The following EFHB variants were observed in gnomAD, a reference collection of about 807,000 sequenced individuals.
The protein encoded by EFHB is EF-hand domain family member B.
Under a neutral mutation model 87.2 loss-of-function variants are expected in EFHB, and 91 were observed. The observed-to-expected ratio is 1.04, with a 90% CI of 0.88 to 1.24. The LOEUF (loss-of-function observed/expected upper bound fraction) is 1.24. EFHB is among the 50% of genes most tolerant of loss of function. The pLI, the probability that EFHB is intolerant of heterozygous loss-of-function variation, is 0.00. For synonymous variants in EFHB, 325 were observed against 333.6 expected (o/e 0.97, Z 0.28); for missense variants, 1,084 against 998.8 (o/e 1.09, Z -1.15).
chr3:19,930,866 C>T (rs1387127008), intron 1 of EFHB, among the ~76,000 whole-genome samples: 1 of 152,200 alleles, frequency 6.6e-6, no homozygotes, highest in Admixed American at 6.5e-5. Flanking sequence ...GGCGTGGTGG[C>T]TCATGCCTGT....
rs2071626024 is a variant in EFHB at position 19,879,739 on chromosome 3, A to G, written c.2394T>C (p.Asn798=). ...LSDEEFENVW[N]LASKKHHRGE... ...CTCTGTGATGCTTTTTTGATGCAAG[A>G]TTCCATACATTTTCAAATTCTTCAT... Residue 798 remains asparagine (N), a synonymous_variant, in exon 13 of 13, where the codon AAT becomes AAC. Transcript: ENST00000295824. 6.2e-7 allele frequency: 1 copy of G among 1,610,524 alleles called. No homozygotes were observed. Among genetic ancestry groups the G allele is most frequent in the African/African-American group, 1.3e-5 (1 of 74,990 alleles).
At chr3:19,944,657 A>G (rs1213263541) in intron 1 of EFHB, among the ~76,000 whole-genome samples, 1 of 152,246 alleles carries the variant, frequency 6.6e-6, no homozygotes, top group Non-Finnish European at 1.5e-5. Context: ...TGTGAAAAGT[A>G]TTCATGAAGG....
At chr3:19,895,054 AAAT>A (rs1275033750) in intron 9 of EFHB, 2 of 147,720 alleles carry the variant, frequency 1.4e-5, no homozygotes, top group Non-Finnish European at 3.0e-5. Flanking sequence ...TATATATTAT[AAAT>A]AATATATAAA....
chr3:19,892,287 T>G (rs1227019961), intron 9 of EFHB, among the ~76,000 whole-genome samples: 1 of 152,218 alleles, frequency 6.6e-6, no homozygotes, highest in African/African-American at 2.4e-5. Context: ...ATGGTATTAT[T>G]GTGCATTGGA....
chr3:19,879,867 T>C (rs1355808775), intron 12 of EFHB, 63 bp from the exon 13 acceptor site: 6 of 1,449,574 alleles, frequency 4.1e-6, no homozygotes, highest in Non-Finnish European at 5.5e-6. Context: ...ATGAAAAATA[T>C]CTTTATAACA....
chr3:19,923,466 C>A (rs955887435), intron 1 of EFHB, among the ~76,000 whole-genome samples: 1 of 152,166 alleles, frequency 6.6e-6, no homozygotes, highest in African/African-American at 2.4e-5. Context: ...CAGCTCACTG[C>A]AACCTCTACC....
rs560030380 is a variant in EFHB, at chr3:19,914,078, G to C, written c.1288+1225C>G. ...CCCATCTCAGCCTCCCAAGTAGCTGGAACTACAGACACGCACCACCATGCC... is the reference window on the plus strand; with the variant it reads ...CCCATCTCAGCCTCCCAAGTAGCTGCAACTACAGACACGCACCACCATGCC... On this transcript the variant is annotated intron_variant, in intron 5 of 12. Coordinates refer to ENST00000295824, the MANE Select transcript of EFHB (RefSeq NM_144715.4). 8.5e-5 allele frequency among the ~76,000 whole-genome samples: 13 copies of C among 152,218 alleles called. No homozygotes were observed. In the South Asian group the frequency reaches 2.5e-3, roughly 29 times the overall value.
intron 4 of EFHB, 115 bp downstream of exon 4, chr3:19,918,117 T>A (rs1695297791): frequency 8.9e-7 from 1 of 1,129,200 alleles, no homozygotes; most frequent in Non-Finnish European, 1.2e-6. Context: ...TCTTTCCTTC[T>A]TGAGTCATCG....
At position 19,939,905 on chromosome 3, in the gene EFHB, G is replaced by A. The variant is rs184136680; in HGVS notation, c.-31-3571C>T. Among the ~76,000 whole-genome samples, 50 of 152,222 alleles carry A rather than the reference G, an allele frequency of 3.3e-4. No homozygotes were observed. The East Asian group carries it at 6.8e-3, about 21-fold the overall frequency. ...TTGAACTGGCATGGATGACACTCTG[G>A]CACCCTCCAACAACTTAGTGTTATA... On this transcript the variant is annotated intron_variant, in intron 1 of 14. Coordinates refer to the EFHB transcript ENST00000344838.
At chr3:19,935,568 T>C (rs914144272), upstream of EFHB, among the ~76,000 whole-genome samples, 22 of 151,732 alleles carry the variant, frequency 1.4e-4, no homozygotes, top group Non-Finnish European at 2.8e-4. Context: ...AAAAATTAGC[T>C]GGGCATGGTG....
At chr3:19,925,206 C>A (rs1001379322) in intron 1 of EFHB, among the ~76,000 whole-genome samples, 1 of 148,040 alleles carries the variant, frequency 6.8e-6, no homozygotes. Context: ...CCGGCCACTG[C>A]ACTCCAGCCT....
At chr3:19,890,969 A>G (rs1406870944) in intron 9 of EFHB, among the ~76,000 whole-genome samples, 1 of 152,226 alleles carries the variant, frequency 6.6e-6, no homozygotes, top group Non-Finnish European at 1.5e-5. Context: ...AACAAGCCTC[A>G]TATGTCAAAT....
chr3:19,934,815 C>T (rs1695971653), upstream of EFHB, among the ~76,000 whole-genome samples: 1 of 152,104 alleles, frequency 6.6e-6, no homozygotes, highest in East Asian at 1.9e-4. Flanking sequence ...ACTTTAAATT[C>T]TAGAAATATT....
intron 3 of EFHB, among the ~76,000 whole-genome samples, chr3:19,918,892 A>C (rs991877244): frequency 4.7e-5 from 7 of 149,834 alleles, no homozygotes; most frequent in Non-Finnish European, 7.4e-5. Flanking sequence ...AGGCAGGAGA[A>C]TGGCTTGAGC....
At chr3:19,934,285 C>T, upstream of EFHB, 2 of 1,358,610 alleles carry the variant, frequency 1.5e-6, no homozygotes, top group South Asian at 1.8e-5. Context: ...CAGATCCCTG[C>T]CCATCTCTCA....
intron 1 of EFHB, among the ~76,000 whole-genome samples, chr3:19,927,961 T>A (rs114995982): frequency 0.14 from 20,392 of 148,630 alleles, 1,683 homozygotes; most frequent in Non-Finnish European, 0.19. Flanking sequence ...ATATACTATA[T>A]ATATAGTAAA....
Position 19,915,393 on chromosome 3 carries a change from C to T in EFHB, c.1198G>A (p.Val400Met). 1 of 1,611,524 alleles carries T rather than the reference C, an allele frequency of 6.2e-7. No individual in the cohort carries two copies. Among genetic ancestry groups the T allele is most frequent in the Non-Finnish European group, 8.5e-7 (1 of 1,178,206 alleles). ...TCTTCATAGGATTTTGGTGGATTCACCACATCTTTAGCAGAGTATTCTGAA... is the reference window on the plus strand; with the variant it reads ...TCTTCATAGGATTTTGGTGGATTCATCACATCTTTAGCAGAGTATTCTGAA... The part of the protein sequence containing the change: ...VIKEYSAKDV[V>M]NPPKSYEEVF... The change falls in exon 5 of 13, where the codon GTG becomes ATG. Residue 400 changes from valine (V) to methionine (M), a missense_variant. Transcript: ENST00000295824.
intron 6 of EFHB, among the ~76,000 whole-genome samples, chr3:19,904,590 C>T (rs1199097878): frequency 6.6e-6 from 1 of 152,212 alleles, no homozygotes; most frequent in Non-Finnish European, 1.5e-5. Context: ...TGTCTATCTC[C>T]ATCTTCACAT....
intron 1 of EFHB, among the ~76,000 whole-genome samples, chr3:19,924,955 A>T (rs1272167058): frequency 6.6e-6 from 1 of 152,074 alleles, no homozygotes; most frequent in Non-Finnish European, 1.5e-5. Flanking sequence ...TCTTAAATAG[A>T]GTTAGGATGG....
Sources: allele counts gnomAD v4.1 joint callset (sites outside exome capture counted in the v4.1 genomes callset), GRCh38; gene constraint gnomAD v4.1.1; transcripts MANE v1.5; gene names NCBI Gene and HGNC (gene_info 2026-07-23, HGNC 2026-07-21).